RCN3: variants seen among roughly 807,000 people sequenced by gnomAD.
The protein encoded by RCN3 is reticulocalbin-3.
In RCN3, 41 loss-of-function variants were observed where a neutral mutation model predicts 35.9. The ratio of observed to expected loss-of-function variants is 1.14; its 90% CI spans 0.89 to 1.48. The LOEUF is 1.48. Ranked by LOEUF, RCN3 falls within the 40% of genes most tolerant of loss-of-function variation. The pLI, the probability that RCN3 is intolerant of heterozygous loss-of-function variation, is 0.00. For missense variants in RCN3, 451 were observed against 471.3 expected, an observed-to-expected ratio of 0.96 and a Z score of 0.40; for synonymous variants, 187 against 193.4, an observed-to-expected ratio of 0.97 and a Z score of 0.27.
intron 5 of RCN3, among the ~76,000 whole-genome samples, chr19:49,539,632 C>G (rs1039571824): frequency 6.6e-6 from 1 of 151,982 alleles, no homozygotes; most frequent in East Asian, 1.9e-4. Context: ...ACAATACCCC[C>G]TGAGTTCTGA....
At chr19:49,534,094 C>A in intron 2 of RCN3, 99 bp from the exon 3 acceptor site, 1 of 1,209,710 alleles carries the variant, frequency 8.3e-7, no homozygotes, top group Non-Finnish European at 1.1e-6. Context: ...ACTGTATTTT[C>A]AGCCCCGGAT....
intron 2 of RCN3, among the ~76,000 whole-genome samples, chr19:49,530,045 G>A (rs1386346354): frequency 6.6e-5 from 10 of 152,076 alleles, no homozygotes; most frequent in South Asian, 6.2e-4. Flanking sequence ...TCCGCCTCCC[G>A]GGTTCAACCA....
chr19:49,542,374 C>A (rs528729287), intron 5 of RCN3, among the ~76,000 whole-genome samples, 179 bp from the exon 6 acceptor site: 21 of 152,278 alleles, frequency 1.4e-4, no homozygotes, highest in African/African-American at 4.8e-4. Flanking sequence ...CAAATGATTG[C>A]TTATAAGTCA....
At position 49,528,480 on chromosome 19, in the gene RCN3, G is replaced by A; in HGVS notation, c.8G>A (p.Trp3Ter). 3 of 1,506,720 alleles carry A rather than the reference G, an allele frequency of 2.0e-6. No homozygotes were observed. The highest frequency in any genetic ancestry group is 2.7e-6 in the Non-Finnish European group (3 of 1,127,444). 93.3% of individuals were successfully genotyped at this position (1,506,720 alleles called of 1,614,324 possible). The change falls in exon 2 of 7, where the codon TGG (tryptophan) becomes TAG (stop). Residue 3 changes from tryptophan (W) to a stop codon, truncating the protein, a stop_gained. Coordinates refer to ENST00000270645, the MANE Select transcript of RCN3 (RefSeq NM_020650.3). LOFTEE classifies it high-confidence loss of function. MM[W>*]RPSVLLLLLL... is the part of the protein sequence containing the mutation. ...GCCACTCCCCAGGGACCGATGATGTGGCGACCATCAGTTCTGCTGCTTCTG... is the reference window on the plus strand; with the variant it reads ...GCCACTCCCCAGGGACCGATGATGTAGCGACCATCAGTTCTGCTGCTTCTG...
At chr19:49,541,085 C>G (rs1373557660) in intron 5 of RCN3, among the ~76,000 whole-genome samples, 1 of 152,030 alleles carries the variant, frequency 6.6e-6, no homozygotes, top group Non-Finnish European at 1.5e-5. Context: ...CGTGCACTAC[C>G]ACGCCTGGCT....
At chr19:49,540,117 C>G (rs1365906292) in intron 5 of RCN3, among the ~76,000 whole-genome samples, 1 of 151,944 alleles carries the variant, frequency 6.6e-6, no homozygotes, top group Non-Finnish European at 1.5e-5. Context: ...CTTTCCTTCT[C>G]TCACTTTCTT....
intron 2 of RCN3, among the ~76,000 whole-genome samples, chr19:49,532,822 C>T (rs1043798558): frequency 2.0e-5 from 3 of 152,104 alleles, no homozygotes; most frequent in Middle Eastern, 6.8e-3. Context: ...ATTTCAGGTG[C>T]GTGCCACCAT....
At chr19:49,529,922 A>T (rs1017873086) in intron 2 of RCN3, among the ~76,000 whole-genome samples, 6 of 146,128 alleles carry the variant, frequency 4.1e-5, no homozygotes, top group Non-Finnish European at 7.5e-5. Context: ...ACGCCCAGCT[A>T]ATTTTGTATT....
At chr19:49,528,744 C>T in intron 2 of RCN3, 30 bp downstream of exon 2, 1 of 1,531,490 alleles carries the variant, frequency 6.5e-7, no homozygotes, top group Non-Finnish European at 8.8e-7. Flanking sequence ...GGGGCGTGTC[C>T]AGAGGTGGGG....
chr19:49,528,754 G>A, intron 2 of RCN3, 40 bp downstream of exon 2: 2 of 1,491,538 alleles, frequency 1.3e-6, no homozygotes, highest in Admixed American at 2.3e-5. Flanking sequence ...CAGAGGTGGG[G>A]CTTAGGAGAG....
intron 3 of RCN3, among the ~76,000 whole-genome samples, chr19:49,534,733 A>G (rs918992753): frequency 1.3e-5 from 2 of 151,980 alleles, no homozygotes; most frequent in Non-Finnish European, 2.9e-5. Context: ...TGCTCTACCA[A>G]CTAAGCTACC....
At chr19:49,536,745 A>G (rs933536644) in intron 3 of RCN3, among the ~76,000 whole-genome samples, 11 of 150,336 alleles carry the variant, frequency 7.3e-5, no homozygotes, top group African/African-American at 2.5e-4. Flanking sequence ...AGTAGCTGGG[A>G]TTACAGGCGT....
chr19:49,529,183 A>C (rs1601205625), intron 2 of RCN3, among the ~76,000 whole-genome samples: 2 of 152,008 alleles, frequency 1.3e-5, no homozygotes, highest in African/African-American at 4.8e-5. Flanking sequence ...TCCGTCTAAA[A>C]AACAACAACA....
intron 5 of RCN3, 132 bp from the exon 6 acceptor site, chr19:49,542,421 G>C (rs574154230): frequency 1.6e-5 from 10 of 610,946 alleles, no homozygotes; most frequent in Middle Eastern, 9.0e-4. Flanking sequence ...AGAAGAGGAC[G>C]CTGAGGCGAG....
Position 49,528,555 on chromosome 19 carries a change from C to T in RCN3, c.83C>T (p.Pro28Leu), listed in dbSNP as rs1241417455. The part of the protein sequence containing the change: ...AQGKPSPDAG[P>L]HGQGRVHQAA... The stretch of plus-strand genomic sequence containing the variant: ...GGGAAGCCATCCCCAGACGCAGGCC[C>T]TCATGGCCAGGGGAGGGTGCACCAG... Residue 28 changes from proline (P) to leucine (L), a missense_variant, in exon 2 of 7, where the codon CCT becomes CTT. Physicochemically the swap from Pro to Leu is moderately conservative, Grantham distance 98. Transcript: ENST00000270645. 6 of 1,595,590 alleles carry T rather than the reference C, an allele frequency of 3.8e-6. No individual in the cohort carries two copies. In the South Asian group the frequency reaches 4.5e-5, roughly 12 times the overall value.
At chr19:49,528,850 C>T (rs2080094881) in intron 2 of RCN3, 136 bp downstream of exon 2, 3 of 1,186,448 alleles carry the variant, frequency 2.5e-6, no homozygotes, top group Non-Finnish European at 3.3e-6. Context: ...ACCTTCTATC[C>T]TTGGGAAAAA....
At position 49,543,618 on chromosome 19, in the gene RCN3, A is replaced by C. The variant is rs772477813; in HGVS notation, c.*405A>C. 14 of 199,914 alleles carry C rather than the reference A, an allele frequency of 7.0e-5. No homozygotes were observed. The highest frequency in any genetic ancestry group is 1.3e-4 in the Non-Finnish European group (13 of 96,682). The allele number at this position is 199,914 out of a possible 1,614,324, so 12.4% of individuals were successfully genotyped here. ...ACCTCCTCTCTGCCAGGAGGCAATA[A>C]AAGCCAGCGCCGGGACCTTGTGTGT... is the stretch of plus-strand genomic sequence containing the variant. On this transcript the variant is annotated 3_prime_UTR_variant, in exon 7 of 7. Transcript: ENST00000270645.
chr19:49,528,962 A>C (rs2122711617), intron 2 of RCN3, among the ~76,000 whole-genome samples: 1 of 152,142 alleles, frequency 6.6e-6, no homozygotes, highest in Non-Finnish European at 1.5e-5. Context: ...CAGGCCGATC[A>C]CTTGAGGTCA....
At position 49,534,368 on chromosome 19, in the gene RCN3, A is replaced by G. The variant is rs948327993; in HGVS notation, c.418A>G (p.Asn140Asp). Residue 140 changes from asparagine (N) to aspartate (D), a missense_variant, in exon 3 of 7, where the codon AAC becomes GAC. By Grantham distance (23) the Asn-to-Asp change is conservative (BLOSUM62 1). Coordinates refer to ENST00000270645, the MANE Select transcript of RCN3 (RefSeq NM_020650.3). Reference sequence around the variant, plus strand: ...GCGTGTGGGTTGGGAGGAGCTGCGCAACGCCACCTATGGCCACTACGCGCC... The same window carrying G: ...GCGTGTGGGTTGGGAGGAGCTGCGCGACGCCACCTATGGCCACTACGCGCC... ...DGRVGWEELR[N>D]ATYGHYAPGE... 4 of 1,537,664 alleles carry G rather than the reference A, an allele frequency of 2.6e-6. No homozygotes were observed. The highest frequency in any genetic ancestry group is 3.5e-6 in the Non-Finnish European group (4 of 1,143,580).
Sources: gnomAD v4.1 joint callset for allele counts (sites outside exome capture counted in the v4.1 genomes callset) on GRCh38, gnomAD v4.1.1 for gene constraint, MANE v1.5 for transcripts, NCBI Gene and HGNC (gene_info 2026-07-23, HGNC 2026-07-21) for gene names.